TNNI3K: variants seen among roughly 807,000 people sequenced by gnomAD.
TNNI3K encodes TNNI3 interacting kinase, also known as serine/threonine-protein kinase TNNI3K.
TNNI3K carries 140 observed loss-of-function variants against 114.5 expected under a neutral mutation model. The observed-to-expected ratio is 1.22, with a 90% CI of 1.07 to 1.41. TNNI3K has a LOEUF of 1.41. TNNI3K is among the 40% of genes most tolerant of loss of function. The pLI, the probability that TNNI3K is intolerant of heterozygous loss-of-function variation, is 0.00. For synonymous variants in TNNI3K, 347 were observed against 347.5 expected (o/e 1.00, Z 0.02); for missense variants, 1,125 against 1,007.6 (o/e 1.12, Z -1.58).
intron 5 of TNNI3K, among the ~76,000 whole-genome samples, chr1:74,324,908 G>A (rs1433327197): frequency 2.0e-5 from 3 of 152,134 alleles, no homozygotes; most frequent in Non-Finnish European, 4.4e-5. Flanking sequence ...AGAGGAGCAA[G>A]CCAAGTAGAT....
At chr1:74,461,482 GAAAA>G (rs745581474) in intron 20 of TNNI3K, among the ~76,000 whole-genome samples, 1 of 74,108 alleles carries the variant, frequency 1.3e-5, no homozygotes. Flanking sequence ...TCTGTCTCGA[GAAAA>G]AAAAAAAAAA....
chr1:74,522,870 A>G (rs944925078), intron 23 of TNNI3K, among the ~76,000 whole-genome samples: 2 of 152,202 alleles, frequency 1.3e-5, no homozygotes, highest in Admixed American at 1.3e-4. Context: ...GTGAACACAT[A>G]AAATCCAGCA....
intron 17 of TNNI3K, among the ~76,000 whole-genome samples, chr1:74,429,490 TTGG>T (rs1199415623): frequency 6.6e-6 from 1 of 151,988 alleles, no homozygotes; most frequent in African/African-American, 2.4e-5. Context: ...CCCATTGAGT[TTGG>T]CAGTGGCAGC....
intron 7 of TNNI3K, 122 bp downstream of exon 7, chr1:74,336,271 C>A: frequency 8.1e-7 from 1 of 1,240,518 alleles, no homozygotes; most frequent in Non-Finnish European, 1.1e-6. Flanking sequence ...TACTTATTTG[C>A]TCCACAAGTC....
intron 2 of TNNI3K, among the ~76,000 whole-genome samples, chr1:74,241,441 GTTGTTTCCTGACT>G (rs1654201786): frequency 6.6e-6 from 1 of 152,184 alleles, no homozygotes; most frequent in South Asian, 2.1e-4. Flanking sequence ...TCCAGCACCT[GTTGTTTCCTGACT>G]TTTTAATGAC....
Position 74,369,654 on chromosome 1 carries a change from G to C in TNNI3K, c.1667+69G>C, listed in dbSNP as rs1662491196. On this transcript the variant is annotated intron_variant, in intron 16 of 24. Transcript: ENST00000326637. ...AACTACTCTTGCAATACTTCAGAGG[G>C]TTTCCCATTGGATGAGCCTTCACCT... The C allele has an allele frequency of 5.5e-6, 8 of 1,458,428 alleles. No individual in the cohort carries two copies. In the East Asian group the frequency reaches 1.9e-4, roughly 35 times the overall value. The allele number at this position is 1,458,428 out of a possible 1,614,324, so 90.3% of individuals were successfully genotyped here.
At chr1:74,427,630 A>T (rs530186691) in intron 17 of TNNI3K, among the ~76,000 whole-genome samples, 1 of 152,126 alleles carries the variant, frequency 6.6e-6, no homozygotes, top group Non-Finnish European at 1.5e-5. Context: ...AAAACAAATT[A>T]TATATAATGA....
At chr1:74,346,077 C>A (rs928714243) in intron 9 of TNNI3K, 1 of 152,162 alleles carries the variant, frequency 6.6e-6, no homozygotes, top group Admixed American at 6.6e-5. Context: ...CATTAATTCA[C>A]TTGAAATTTC....
intron 9 of TNNI3K, among the ~76,000 whole-genome samples, chr1:74,347,575 C>T (rs926248061): frequency 1.1e-4 from 16 of 152,284 alleles, no homozygotes; most frequent in East Asian, 3.9e-4. Flanking sequence ...GGAATTACCA[C>T]GCCGACTTCC....
intron 23 of TNNI3K, among the ~76,000 whole-genome samples, chr1:74,512,835 C>A (rs1201450504): frequency 1.3e-5 from 2 of 152,140 alleles, no homozygotes; most frequent in African/African-American, 4.8e-5. Flanking sequence ...AATGGGCACC[C>A]CCTGCAGCAT....
intron 23 of TNNI3K, among the ~76,000 whole-genome samples, chr1:74,527,915 G>A (rs923928758): frequency 6.6e-6 from 1 of 152,140 alleles, no homozygotes; most frequent in African/African-American, 2.4e-5. Flanking sequence ...GCACTGCCTG[G>A]CAGAGGGTGT....
At chr1:74,383,488 A>G (rs1451056449) in intron 17 of TNNI3K, among the ~76,000 whole-genome samples, 3 of 151,612 alleles carry the variant, frequency 2.0e-5, no homozygotes, top group Non-Finnish European at 4.4e-5. Flanking sequence ...CTTTCCTTCT[A>G]ACTCCTGTCT....
At chr1:74,431,195 A>G (rs928931697) in intron 17 of TNNI3K, among the ~76,000 whole-genome samples, 18 of 152,110 alleles carry the variant, frequency 1.2e-4, no homozygotes, top group African/African-American at 3.9e-4. Context: ...TCAAAAAGTT[A>G]AAGTATTATA....
intron 5 of TNNI3K, among the ~76,000 whole-genome samples, chr1:74,283,795 A>G (rs1324345331): frequency 6.6e-6 from 1 of 152,182 alleles, no homozygotes; most frequent in Admixed American, 6.5e-5. Context: ...ACACATTTTT[A>G]TATATACATA....
intron 12 of TNNI3K, among the ~76,000 whole-genome samples, chr1:74,367,607 T>C (rs575479880): frequency 6.6e-6 from 1 of 152,056 alleles, no homozygotes; most frequent in East Asian, 1.9e-4. Context: ...TGTGCATGAC[T>C]AGGAAGGCCT....
In TNNI3K at chr1:74,284,914, G is replaced by T. The variant is rs137941659; in HGVS notation, c.444+13206G>T. On this transcript the variant is annotated intron_variant, in intron 5 of 24. Coordinates refer to ENST00000326637, the MANE Select transcript of TNNI3K (RefSeq NM_015978.3). ...CACATCTGGGCAGGTCCTGACAATA[G>T]TTAAAGATTTTTTTTCTCATAATTT... Among the ~76,000 whole-genome samples, 436 of 152,350 alleles carry T rather than the reference G, an allele frequency of 2.9e-3. 1 individual carries two copies. The highest frequency in any genetic ancestry group is 9.8e-3 in the African/African-American group (409 of 41,582).
At chr1:74,255,353 C>CA (rs10716634) in intron 4 of TNNI3K, among the ~76,000 whole-genome samples, 10,542 of 100,946 alleles carry the variant, frequency 0.1, 702 homozygotes, top group African/African-American at 0.22. Flanking sequence ...GACTCCGTCT[C>CA]AAAAAAAAAA....
intron 17 of TNNI3K, chr1:74,416,664 A>AT (rs1003881712): frequency 3.1e-5 from 21 of 673,336 alleles, no homozygotes; most frequent in Non-Finnish European, 3.7e-5. Flanking sequence ...ATTTTAATTG[A>AT]TTTTTTTTCT....
intron 20 of TNNI3K, among the ~76,000 whole-genome samples, chr1:74,443,145 A>G (rs1666453788): frequency 2.0e-5 from 3 of 152,040 alleles, no homozygotes; most frequent in Admixed American, 2.0e-4. Context: ...TAGCAGAAGA[A>G]AAGAAATAAC....
Sources: gnomAD v4.1 joint callset for allele counts (sites outside exome capture counted in the v4.1 genomes callset) on GRCh38, gnomAD v4.1.1 for gene constraint, MANE v1.5 for transcripts, NCBI Gene and HGNC (gene_info 2026-07-23, HGNC 2026-07-21) for gene names.